EFCAB8: variants seen among roughly 807,000 people sequenced by gnomAD.
The protein encoded by EFCAB8 is EF-hand calcium-binding domain-containing protein 8.
In EFCAB8, 100 loss-of-function variants were observed where a neutral mutation model predicts 116.3. The observed-to-expected ratio is 0.86, with a 90% CI of 0.73 to 1.02. EFCAB8 has a LOEUF of 1.02. Among genes scored for constraint, EFCAB8 ranks in the 50% least tolerant of loss-of-function variants. EFCAB8 has a pLI of 0.00. For missense variants in EFCAB8, 1,320 were observed against 1,416.9 expected (o/e 0.93, Z 1.10); for synonymous variants, 558 against 567.9 (o/e 0.98, Z 0.25).
Position 32,867,662 on chromosome 20 carries a change from C to T in EFCAB8, c.123C>T (p.Asp41=). Residue 41 remains aspartate, a synonymous_variant, in exon 3 of 27, where the codon GAC becomes GAT. Coordinates refer to ENST00000400522, the MANE Select transcript of EFCAB8 (RefSeq NM_001143967.2). ...TPSITLSQVP[D]LQPGSQLFTE... is the part of the protein sequence containing the mutation. ...CCATCACCCTTAGCCAGGTGCCTGA[C>T]CTCCAGCCTGGGTCCCAGCTGTTTA... 6.4e-7 allele frequency: 1 copy of T among 1,551,674 alleles called. No homozygotes were observed. Among genetic ancestry groups the T allele is most frequent in the Non-Finnish European group, 8.7e-7 (1 of 1,147,004 alleles).
intron 7 of EFCAB8, among the ~76,000 whole-genome samples, chr20:32,891,467 C>T (rs530257549): frequency 6.6e-6 from 1 of 152,306 alleles, no homozygotes; most frequent in East Asian, 1.9e-4. Context: ...ATCCACCTGC[C>T]TCAGCCTCCC....
At chr20:32,893,400 C>T in intron 9 of EFCAB8, 102 bp downstream of exon 9, 4 of 1,474,296 alleles carry the variant, frequency 2.7e-6, no homozygotes, top group Non-Finnish European at 3.6e-6. Context: ...TGCCTCTGCT[C>T]TGGAGTCTCT....
chr20:32,915,048 C>A (rs1787829394), intron 17 of EFCAB8, among the ~76,000 whole-genome samples: 1 of 152,104 alleles, frequency 6.6e-6, no homozygotes, highest in African/African-American at 2.4e-5. Flanking sequence ...CAGGCACATG[C>A]CACCATGCCT....
Position 32,878,810 on chromosome 20 carries a change from A to G in EFCAB8, c.431+3A>G, listed in dbSNP as rs771441427. On this transcript the variant is annotated splice_donor_region_variant and intron_variant, in intron 5 of 26. Transcript: ENST00000400522. ...CTTCCCATGACGGTCGTCCCCCTGT[A>G]AGGAGCCTCTTCCTGGGCCTTGGTG... 1.9e-5 allele frequency: 29 copies of G among 1,551,960 alleles called. No homozygotes were observed. Among genetic ancestry groups the G allele is most frequent in the Non-Finnish European group, 2.4e-5 (28 of 1,146,908 alleles).
chr20:32,917,251 A>C (rs1260942180), intron 17 of EFCAB8, 50 bp from the exon 18 acceptor site: 3 of 1,393,324 alleles, frequency 2.2e-6, no homozygotes, highest in Non-Finnish European at 3.0e-6. Context: ...CAATGGATGG[A>C]GCATTACAGG....
At chr20:32,937,674 A>G (rs1988173000) in intron 22 of EFCAB8, among the ~76,000 whole-genome samples, 1 of 150,796 alleles carries the variant, frequency 6.6e-6, no homozygotes. Flanking sequence ...GCTGGAGTAC[A>G]ATGGTGTGAT....
chr20:32,943,208 A>G (rs1245253549), intron 22 of EFCAB8, among the ~76,000 whole-genome samples: 1 of 152,172 alleles, frequency 6.6e-6, no homozygotes, highest in Non-Finnish European at 1.5e-5. Flanking sequence ...CTTTCTAGCT[A>G]TGTGGGCTTA....
At chr20:32,913,307 A>C (rs891378003) in intron 17 of EFCAB8, among the ~76,000 whole-genome samples, 1 of 152,164 alleles carries the variant, frequency 6.6e-6, no homozygotes, top group African/African-American at 2.4e-5. Context: ...CTGTCTTCTT[A>C]CTGTAAACTT....
At chr20:32,876,190 T>C in intron 4 of EFCAB8, 146 bp downstream of exon 4, 2 of 692,482 alleles carry the variant, frequency 2.9e-6, no homozygotes, top group South Asian at 1.8e-5. Context: ...GGGACTTGCC[T>C]GGTGGAGACG....
chr20:32,898,865 G>T (rs1246552669), intron 11 of EFCAB8, among the ~76,000 whole-genome samples: 1 of 152,146 alleles, frequency 6.6e-6, no homozygotes, highest in East Asian at 1.9e-4. Context: ...AATGTTTTCT[G>T]AATGAAGGGA....
rs751615297 is a variant in EFCAB8 at position 32,918,485 on chromosome 20, A to C, written c.2185A>C (p.Asn729His). 4 of 1,551,638 alleles carry C rather than the reference A, an allele frequency of 2.6e-6. No individual in the cohort carries two copies. Among genetic ancestry groups the C allele is most frequent in the East Asian group, 2.4e-5 (1 of 40,930 alleles). ...CAGTCTCAGCCCCGAGTCTGTGGCCAATACCAACCTGAGGCGGAGCCTGGT... is the reference window on the plus strand; with the variant it reads ...CAGTCTCAGCCCCGAGTCTGTGGCCCATACCAACCTGAGGCGGAGCCTGGT... ...LSSLSPESVA[N>H]TNLRRSLVSA... Residue 729 changes from asparagine to histidine, a missense_variant, in exon 19 of 27, where the codon AAT becomes CAT. By Grantham distance (68) the Asn-to-His change is moderately conservative (BLOSUM62 1). Transcript: ENST00000400522.
intron 4 of EFCAB8, among the ~76,000 whole-genome samples, chr20:32,877,396 A>G (rs1264661705): frequency 1.3e-5 from 2 of 150,884 alleles, no homozygotes; most frequent in African/African-American, 4.9e-5. Flanking sequence ...TTTAGTAGAA[A>G]CGGGGTTTCA....
At position 32,878,790 on chromosome 20, in the gene EFCAB8, C is replaced by T. The variant is rs2146192019; in HGVS notation, c.414C>T (p.Pro138=). 1 of 1,552,162 alleles carries T rather than the reference C, an allele frequency of 6.4e-7. No individual in the cohort carries two copies. Among genetic ancestry groups the T allele is most frequent in the East Asian group, 2.4e-5 (1 of 40,904 alleles). The change falls in exon 5 of 27, where the codon CCC becomes CCT. Residue 138 remains proline (P), a synonymous_variant. Coordinates refer to ENST00000400522, the MANE Select transcript of EFCAB8 (RefSeq NM_001143967.2). Reference sequence around the variant, plus strand: ...AGTACCGCCTGCACTTCTACCTTCCCATGACGGTCGTCCCCCTGTAAGGAG... The same window carrying T: ...AGTACCGCCTGCACTTCTACCTTCCTATGACGGTCGTCCCCCTGTAAGGAG... The part of the protein sequence containing the change: ...KSQYRLHFYL[P]MTVVPLNHGC...
rs980726458 is a variant in EFCAB8, at chr20:32,927,970, T to A, written c.2413-2428T>A. On this transcript the variant is annotated intron_variant, in intron 20 of 26. Coordinates refer to ENST00000400522, the MANE Select transcript of EFCAB8 (RefSeq NM_001143967.2). ...TCTTGTTAAATTGAAACTATACCCA[T>A]TAAAAAATAACTCCCACTCCCCTCT... 4.6e-5 allele frequency among the ~76,000 whole-genome samples: 7 copies of A among 152,256 alleles called. No homozygotes were observed. In the South Asian group the frequency reaches 1.5e-3, roughly 32 times the overall value.
chr20:32,944,538 A>G (rs1320292924), intron 23 of EFCAB8, among the ~76,000 whole-genome samples: 1 of 152,110 alleles, frequency 6.6e-6, no homozygotes, highest in Non-Finnish European at 1.5e-5. Context: ...GTATTTTTCT[A>G]TGTGTTTACA....
chr20:32,920,928 C>T (rs145758773), intron 20 of EFCAB8, among the ~76,000 whole-genome samples: 284 of 152,172 alleles, frequency 1.9e-3, no homozygotes, highest in Middle Eastern at 6.8e-3. Context: ...TGTTTTATAC[C>T]GAACACGAGT....
chr20:32,876,845 A>G (rs896938346), intron 4 of EFCAB8, among the ~76,000 whole-genome samples: 6 of 152,150 alleles, frequency 3.9e-5, no homozygotes, highest in Non-Finnish European at 5.9e-5. Context: ...GTGCACGCCT[A>G]TAGTCCCAGC....
chr20:32,936,956 A>G (rs1388869227), intron 22 of EFCAB8, among the ~76,000 whole-genome samples: 2 of 152,088 alleles, frequency 1.3e-5, no homozygotes, highest in East Asian at 3.8e-4. Flanking sequence ...ATAGCTTTCC[A>G]TTTATTTGTG....
intron 23 of EFCAB8, among the ~76,000 whole-genome samples, chr20:32,946,604 A>G (rs1988603880): frequency 6.6e-6 from 1 of 152,154 alleles, no homozygotes; most frequent in South Asian, 2.1e-4. Flanking sequence ...TAAATATAAT[A>G]TCTAGTGTTA....
Sources: allele counts gnomAD v4.1 joint callset (sites outside exome capture counted in the v4.1 genomes callset), GRCh38; gene constraint gnomAD v4.1.1; transcripts MANE v1.5; gene names NCBI Gene and HGNC (gene_info 2026-07-23, HGNC 2026-07-21).